The following ZNF57 variants were observed in gnomAD, a reference collection of about 807,000 sequenced individuals.
The protein encoded by ZNF57 is zinc finger protein 424.
Under a neutral mutation model 13.4 loss-of-function variants are expected in ZNF57, and 11 were observed. The observed-to-expected ratio is 0.82, with a 90% CI of 0.52 to 1.36. The LOEUF (loss-of-function observed/expected upper bound fraction) is 1.36, where lower values mean the gene tolerates loss of function less well. ZNF57 is among the 40% of genes most tolerant of loss of function. ZNF57 has a pLI of 0.00. For synonymous variants in ZNF57, 224 were observed against 238.5 expected, an observed-to-expected ratio of 0.94 and a Z score of 0.56; for missense variants, 696 against 667.5, an observed-to-expected ratio of 1.04 and a Z score of -0.47.
Position 2,905,633 on chromosome 19 carries a change from T to C in ZNF57, c.3+4585T>C, listed in dbSNP as rs370910237. Among the ~76,000 whole-genome samples, 537 of 151,128 alleles carry C rather than the reference T, an allele frequency of 3.6e-3. 4 individuals are homozygous for C. The highest frequency in any genetic ancestry group is 0.014 in the South Asian group (68 of 4,756). On this transcript the variant is annotated intron_variant, in intron 1 of 3. Coordinates refer to ENST00000306908, the MANE Select transcript of ZNF57 (RefSeq NM_173480.3). ...ACAAAAAATTAGCCGGGTGTGGTGG[T>C]GGGCGCCTGTAGTCCCAGCTACTCG...
chr19:2,917,615 G>C lies in ZNF57; in HGVS notation c.994G>C (p.Gly332Arg), dbSNP rs184508498. Residue 332 changes from glycine to arginine, a missense_variant, in exon 4 of 4, where the codon GGG becomes CGG. Gly to Arg is a moderately radical substitution (Grantham distance 125). Coordinates refer to ENST00000306908, the MANE Select transcript of ZNF57 (RefSeq NM_173480.3). ...GCGAGTCCACATGAGGATCCACACT[G>C]GGGACAAACTCTATAAATGTGAACA... Reference protein sequence around the residue: ...TLRVHMRIHTGDKLYKCEHCG... With the variant: ...TLRVHMRIHTRDKLYKCEHCG... The C allele has an allele frequency of 8.6e-5, 138 of 1,613,454 alleles. No homozygotes were observed. The East Asian group carries it at 2.8e-3, about 32-fold the overall frequency.
intron 1 of ZNF57, among the ~76,000 whole-genome samples, chr19:2,901,938 C>G (rs2088033800): frequency 6.6e-6 from 1 of 152,010 alleles, no homozygotes; most frequent in Non-Finnish European, 1.5e-5. Flanking sequence ...AGTACATTCA[C>G]AAGGGCTTGG....
At chr19:2,913,901 A>C (rs1477931363) in intron 1 of ZNF57, among the ~76,000 whole-genome samples, 1 of 152,200 alleles carries the variant, frequency 6.6e-6, no homozygotes, top group African/African-American at 2.4e-5. Flanking sequence ...TTGATCTCCC[A>C]AAATCCTGGG....
intron 1 of ZNF57, among the ~76,000 whole-genome samples, chr19:2,909,283 T>TA (rs2088109902): frequency 1.7e-5 from 2 of 116,440 alleles, no homozygotes; most frequent in African/African-American, 6.1e-5. Flanking sequence ...TTATTTTTGT[T>TA]TTTTTTTTTT....
chr19:2,905,542 A>G (rs971342675), intron 1 of ZNF57, among the ~76,000 whole-genome samples: 15 of 150,872 alleles, frequency 9.9e-5, no homozygotes, highest in Non-Finnish European at 2.1e-4. Context: ...AGGCGGGCGG[A>G]TCACGAGGTC....
At position 2,916,288 on chromosome 19, in the gene ZNF57, T is replaced by G. The variant is rs375042791; in HGVS notation, c.302+39T>G. 33 of 1,532,920 alleles carry G rather than the reference T, an allele frequency of 2.2e-5. No homozygotes were observed. In the African/African-American group the frequency reaches 3.8e-4, roughly 17 times the overall value. 95.0% of individuals were successfully genotyped at this position (1,532,920 alleles called of 1,614,324 possible). ...ACAAGAGAAAAATCCTTGTATGCAA[T>G]TAAATATATATCTAAGTATTGCTCC... On this transcript the variant is annotated intron_variant, in intron 3 of 3. Coordinates refer to ENST00000306908, the MANE Select transcript of ZNF57 (RefSeq NM_173480.3).
At chr19:2,904,225 C>T (rs774302559) in intron 1 of ZNF57, among the ~76,000 whole-genome samples, 5 of 152,244 alleles carry the variant, frequency 3.3e-5, no homozygotes, top group African/African-American at 4.8e-5. Flanking sequence ...AAAGGCTTTT[C>T]TGTGGTTTCT....
At chr19:2,906,287 C>G (rs2088074824) in intron 1 of ZNF57, among the ~76,000 whole-genome samples, 1 of 152,172 alleles carries the variant, frequency 6.6e-6, no homozygotes, top group Non-Finnish European at 1.5e-5. Flanking sequence ...TTCCTGGGCT[C>G]AAGCGATCCT....
chr19:2,901,108 C>G, intron 1 of ZNF57, 60 bp downstream of exon 1: 1 of 1,421,430 alleles, frequency 7.0e-7, no homozygotes, highest in Non-Finnish European at 9.3e-7. Context: ...CCGGCTGGAA[C>G]CAGAGTCCGC....
chr19:2,917,507 C>T lies in ZNF57; in HGVS notation c.886C>T (p.Gln296Ter), dbSNP rs781015655. The T allele has an allele frequency of 1.9e-6, 3 of 1,613,270 alleles. No homozygotes were observed. Among genetic ancestry groups the T allele is most frequent in the Admixed American group, 3.3e-5 (2 of 59,960 alleles). Residue 296 changes from glutamine to a stop codon, truncating the protein, a stop_gained, in exon 4 of 4, where the codon CAA (glutamine) becomes TAA (stop). Coordinates refer to ENST00000306908, the MANE Select transcript of ZNF57 (RefSeq NM_173480.3). LOFTEE classifies it low-confidence loss of function (END_TRUNC). ...AGCCTTCACTTACCCCCAGGCTTTT[C>T]AAAGACATGAGAAGACGCACACGGG... ...GKAFTYPQAF[Q>*]RHEKTHTGEK...
At chr19:2,911,081 T>TTATG (rs1235662489) in intron 1 of ZNF57, among the ~76,000 whole-genome samples, 1 of 151,894 alleles carries the variant, frequency 6.6e-6, no homozygotes. Flanking sequence ...ATTTATTTAT[T>TTATG]TGGCAGGGTC....
rs752634385 is a variant in ZNF57, at chr19:2,917,596, C to G, written c.975C>G (p.Val325=). The change falls in exon 4 of 4, where the codon GTC becomes GTG. Residue 325 remains valine, a synonymous_variant. Transcript: ENST00000306908. ...TCAGTTGGTCTGAAACCTTGCGAGT[C>G]CACATGAGGATCCACACTGGGGACA... ...KTFSWSETLR[V]HMRIHTGDKL... 3 of 1,612,772 alleles carry G rather than the reference C, an allele frequency of 1.9e-6. No individual in the cohort carries two copies. Among genetic ancestry groups the G allele is most frequent in the South Asian group, 1.1e-5 (1 of 91,008 alleles).
chr19:2,902,621 GT>G (rs2088039650), intron 1 of ZNF57, among the ~76,000 whole-genome samples: 1 of 152,188 alleles, frequency 6.6e-6, no homozygotes, highest in African/African-American at 2.4e-5. Context: ...AAGGTGCAGA[GT>G]TTGCGACAGT....
intron 2 of ZNF57, 104 bp downstream of exon 2, chr19:2,915,752 G>A: frequency 6.5e-7 from 1 of 1,536,546 alleles, no homozygotes; most frequent in Non-Finnish European, 9.0e-7. Flanking sequence ...AGACAGACAT[G>A]TTCACAGCCA....
Position 2,917,075 on chromosome 19 carries a change from C to T in ZNF57, c.454C>T (p.Leu152Phe). Reference sequence around the variant, plus strand: ...CAAGTGCAGGACAGTCTTCACGCATCTTTCTTCTCTTAAAAGGCACGTCAA... The same window carrying T: ...CAAGTGCAGGACAGTCTTCACGCATTTTTCTTCTCTTAAAAGGCACGTCAA... ...CTKCRTVFTH[L>F]SSLKRHVKSH... is the part of the protein sequence containing the mutation. Residue 152 changes from leucine to phenylalanine, a missense_variant, in exon 4 of 4, where the codon CTT becomes TTT. Leu to Phe is a conservative substitution (Grantham distance 22). Around this residue, in one of 3 missense-constraint regions of ZNF57, gnomAD observed 645 missense variants for 591.5 expected, o/e 1.09. Coordinates refer to ENST00000306908, the MANE Select transcript of ZNF57 (RefSeq NM_173480.3). 3 of 1,614,166 alleles carry T rather than the reference C, an allele frequency of 1.9e-6. No individual in the cohort carries two copies. The highest frequency in any genetic ancestry group is 2.5e-6 in the Non-Finnish European group (3 of 1,180,014).
At chr19:2,914,158 T>C (rs1050164397) in intron 1 of ZNF57, among the ~76,000 whole-genome samples, 1 of 152,200 alleles carries the variant, frequency 6.6e-6, no homozygotes, top group African/African-American at 2.4e-5. Context: ...CATTAAAAAG[T>C]GGGGTAATTG....
chr19:2,917,490 C>T lies in ZNF57; in HGVS notation c.869C>T (p.Thr290Ile). The change falls in exon 4 of 4, where the codon ACT (threonine) becomes ATT (isoleucine). Residue 290 changes from threonine (T) to isoleucine (I), a missense_variant. By Grantham distance (89) the Thr-to-Ile change is moderately conservative (BLOSUM62 -1). Transcript: ENST00000306908. ...TGTCAGCACTGTGGGAAAGCCTTCACTTACCCCCAGGCTTTTCAAAGACAT... is the reference window on the plus strand; with the variant it reads ...TGTCAGCACTGTGGGAAAGCCTTCATTTACCCCCAGGCTTTTCAAAGACAT... ...YKCQHCGKAF[T>I]YPQAFQRHEK... 1.2e-6 allele frequency: 2 copies of T among 1,613,738 alleles called. No homozygotes were observed. The highest frequency in any genetic ancestry group is 1.7e-6 in the Non-Finnish European group (2 of 1,179,808).
intron 3 of ZNF57, chr19:2,916,471 G>C (rs1008896609): frequency 2.6e-6 from 1 of 385,286 alleles, no homozygotes. Context: ...CCAGCACTTT[G>C]GGAGGCTGAG....
At position 2,918,264 on chromosome 19, in the gene ZNF57, C is replaced by T. The variant is rs202150672; in HGVS notation, c.1643C>T (p.Ser548Phe). 1.2e-6 allele frequency: 2 copies of T among 1,609,620 alleles called. No individual in the cohort carries two copies. The highest frequency in any genetic ancestry group is 4.5e-5 in the East Asian group (2 of 44,848). ...SKAFSCQVIL[S>F]KTSESTH ...GCCTTCAGTTGCCAAGTCATTCTTT[C>T]TAAAACCAGTGAGAGCACACACTAA... Residue 548 changes from serine to phenylalanine, a missense_variant, in exon 4 of 4, where the codon TCT becomes TTT. Physicochemically the swap from Ser to Phe is radical, Grantham distance 155 (BLOSUM62 -2). Around this residue, in one of 3 missense-constraint regions of ZNF57, gnomAD observed 645 missense variants for 591.5 expected, o/e 1.09. Transcript: ENST00000306908.
Sources: gnomAD v4.1 joint callset for allele counts (sites outside exome capture counted in the v4.1 genomes callset) on GRCh38, gnomAD v4.1.1 for gene constraint, gnomAD v4.1.1 regional missense constraint, MANE v1.5 for transcripts, NCBI Gene and HGNC (gene_info 2026-07-23, HGNC 2026-07-21) for gene names.